The following PTPRT variants were observed in gnomAD, a reference collection of about 807,000 sequenced individuals.
PTPRT encodes protein tyrosine phosphatase receptor type T.
A neutral mutation model predicts 176.8 loss-of-function variants in PTPRT; 56 were observed. The observed-to-expected ratio is 0.32, with a 90% CI of 0.26 to 0.40. PTPRT has a LOEUF of 0.40. PTPRT is among the 10% of genes least tolerant of loss of function. PTPRT has a pLI of 1.00. For synonymous variants in PTPRT, 783 were observed against 739.0 expected, an observed-to-expected ratio of 1.06 and a Z score of -0.96; for missense variants, 1,540 against 1,908.2, an observed-to-expected ratio of 0.81 and a Z score of 3.60.
intron 8 of PTPRT, among the ~76,000 whole-genome samples, chr20:42,454,429 C>T (rs1452221208): frequency 2.0e-5 from 3 of 152,122 alleles, no homozygotes; most frequent in African/African-American, 7.2e-5. Context: ...AAATTGTTTT[C>T]CAAAGTGGTG....
intron 7 of PTPRT, among the ~76,000 whole-genome samples, chr20:42,554,028 G>A (rs2072816359): frequency 6.6e-6 from 1 of 152,092 alleles, no homozygotes; most frequent in Non-Finnish European, 1.5e-5. Flanking sequence ...AGGCCTGGGT[G>A]TTCCTTGATC....
intron 17 of PTPRT, among the ~76,000 whole-genome samples, chr20:42,151,239 C>T (rs968403076): frequency 7.2e-5 from 11 of 152,014 alleles, no homozygotes; most frequent in Middle Eastern, 3.4e-3. Context: ...CACCTATCAA[C>T]CTATCATCTA....
intron 7 of PTPRT, among the ~76,000 whole-genome samples, chr20:42,526,961 T>TC (rs2072282369): frequency 8.1e-6 from 1 of 123,866 alleles, no homozygotes; most frequent in Non-Finnish European, 1.7e-5. Flanking sequence ...TTTTTCTTTT[T>TC]TTTTTTTTTT....
intron 1 of PTPRT, among the ~76,000 whole-genome samples, chr20:42,916,071 A>G (rs1054548753): frequency 4.0e-5 from 6 of 151,432 alleles, no homozygotes; most frequent in Admixed American, 3.9e-4. Context: ...CCATTAACTC[A>G]TCATTTAGCA....
At chr20:42,852,137 C>G (rs1338041047) in intron 2 of PTPRT, among the ~76,000 whole-genome samples, 1 of 152,132 alleles carries the variant, frequency 6.6e-6, no homozygotes, top group Non-Finnish European at 1.5e-5. Context: ...CAAAATGTCC[C>G]TTTTGCCATT....
chr20:42,617,617 T>G (rs2074107538), intron 7 of PTPRT, among the ~76,000 whole-genome samples: 1 of 138,020 alleles, frequency 7.2e-6, no homozygotes. Flanking sequence ...CAATTTCAGA[T>G]CCTGTTATTG....
intron 6 of PTPRT, 92 bp from the exon 7 acceptor site, chr20:42,678,251 T>C: frequency 8.1e-7 from 1 of 1,234,264 alleles, no homozygotes; most frequent in South Asian, 1.7e-5. Context: ...GAATTCTTGA[T>C]GTAGCCACAA....
intron 15 of PTPRT, among the ~76,000 whole-genome samples, chr20:42,234,243 A>G (rs750420308): frequency 1.3e-5 from 2 of 152,158 alleles, no homozygotes; most frequent in African/African-American, 4.8e-5. Flanking sequence ...ACTTTACAAA[A>G]TCATCTCATC....
At chr20:42,336,111 A>G (rs1387625937) in intron 11 of PTPRT, among the ~76,000 whole-genome samples, 1 of 152,172 alleles carries the variant, frequency 6.6e-6, no homozygotes, top group Non-Finnish European at 1.5e-5. Context: ...ATGTAATAAT[A>G]TAATACTTAC....
At chr20:42,418,985 T>A (rs2059091595) in intron 9 of PTPRT, among the ~76,000 whole-genome samples, 1 of 152,162 alleles carries the variant, frequency 6.6e-6, no homozygotes, top group Non-Finnish European at 1.5e-5. Context: ...CATCAGCGTA[T>A]CCCAACTGCA....
At chr20:42,917,206 T>C (rs960146971) in intron 1 of PTPRT, among the ~76,000 whole-genome samples, 4 of 152,132 alleles carry the variant, frequency 2.6e-5, no homozygotes, top group African/African-American at 9.7e-5. Flanking sequence ...CAGCACCATT[T>C]ATTAAATAGC....
chr20:42,723,759 C>T lies in PTPRT; in HGVS notation c.859+32703G>A, dbSNP rs557436500. 1.4e-4 allele frequency among the ~76,000 whole-genome samples: 21 copies of T among 152,252 alleles called. No homozygotes were observed. In the East Asian group the frequency reaches 3.7e-3, roughly 27 times the overall value. On this transcript the variant is annotated intron_variant, in intron 6 of 30. Coordinates refer to ENST00000373187, the MANE Select transcript of PTPRT (RefSeq NM_007050.6). ...TCATTCCTTGCAGAAGGTACCCTACCCCAGGAAGCAGTCATGGGGAGCTAG... is the reference window on the plus strand; with the variant it reads ...TCATTCCTTGCAGAAGGTACCCTACTCCAGGAAGCAGTCATGGGGAGCTAG...
chr20:42,131,092 C>T (rs1223982083), intron 18 of PTPRT, among the ~76,000 whole-genome samples: 1 of 152,168 alleles, frequency 6.6e-6, no homozygotes, highest in Non-Finnish European at 1.5e-5. Flanking sequence ...GACCCTGAAA[C>T]CCTACTCTGC....
intron 7 of PTPRT, among the ~76,000 whole-genome samples, chr20:42,495,952 C>G (rs1214795877): frequency 6.6e-6 from 1 of 152,126 alleles, no homozygotes; most frequent in East Asian, 1.9e-4. Context: ...CTTTCCTACT[C>G]TTGACCGAAA....
chr20:43,031,129 A>G (rs1366464883), intron 1 of PTPRT, among the ~76,000 whole-genome samples: 3 of 152,180 alleles, frequency 2.0e-5, no homozygotes, highest in East Asian at 1.9e-4. Context: ...TCTCACATCA[A>G]CCAGGCTTTG....
At chr20:42,708,777 T>C (rs1266600050) in intron 6 of PTPRT, among the ~76,000 whole-genome samples, 4 of 152,248 alleles carry the variant, frequency 2.6e-5, no homozygotes, top group Non-Finnish European at 5.9e-5. Context: ...TTTTTCCATA[T>C]ATTTGCTGTG....
At chr20:42,184,872 G>A (rs1341165372) in intron 16 of PTPRT, among the ~76,000 whole-genome samples, 1 of 150,914 alleles carries the variant, frequency 6.6e-6, no homozygotes, top group African/African-American at 2.4e-5. Flanking sequence ...CTGACCTCAG[G>A]TGATCCACCC....
At chr20:43,109,794 G>A (rs892767373) in intron 1 of PTPRT, among the ~76,000 whole-genome samples, 1 of 152,162 alleles carries the variant, frequency 6.6e-6, no homozygotes, top group African/African-American at 2.4e-5. Flanking sequence ...AAAGGAGTTG[G>A]AGAAACAGCA....
intron 1 of PTPRT, among the ~76,000 whole-genome samples, chr20:43,051,837 C>T (rs1384913980): frequency 6.6e-6 from 1 of 151,978 alleles, no homozygotes; most frequent in Non-Finnish European, 1.5e-5. Flanking sequence ...TAAGTAAAAT[C>T]CTATTTCACT....
Sources: allele counts gnomAD v4.1 joint callset (sites outside exome capture counted in the v4.1 genomes callset), GRCh38; gene constraint gnomAD v4.1.1; transcripts MANE v1.5; gene names NCBI Gene and HGNC (gene_info 2026-07-23, HGNC 2026-07-21).